The following ANOS1 variants were observed in gnomAD, a reference collection of about 807,000 sequenced individuals.
ANOS1 encodes the protein anosmin-1.
A neutral mutation model predicts 59.0 loss-of-function variants in ANOS1; 6 were observed. The observed-to-expected ratio is 0.10, with a 90% CI of 0.06 to 0.20. ANOS1 has a LOEUF of 0.20. ANOS1 is among the 10% of genes least tolerant of loss of function. The pLI, the probability that ANOS1 is intolerant of heterozygous loss-of-function variation, is 1.00. For missense variants in ANOS1, 433 were observed against 542.3 expected (o/e 0.80, Z 2.00); for synonymous variants, 217 against 223.4 (o/e 0.97, Z 0.25).
intron 2 of ANOS1, among the ~76,000 whole-genome samples, chrX:8,637,382 C>T (rs1931589505): frequency 8.9e-6 from 1 of 112,271 alleles, no homozygotes; most frequent in Non-Finnish European, 1.9e-5. Flanking sequence ...TAACTGAACA[C>T]TGTTTTGATT....
chrX:8,596,769 T>G (rs1187696380), intron 4 of ANOS1, among the ~76,000 whole-genome samples: 1 of 111,873 alleles, frequency 8.9e-6, no homozygotes, highest in Non-Finnish European at 1.9e-5. Flanking sequence ...AAGACAAAAA[T>G]GTTCCTGAAT....
At chrX:8,652,954 C>G (rs1488900157) in intron 2 of ANOS1, among the ~76,000 whole-genome samples, 1 of 110,977 alleles carries the variant, frequency 9.0e-6, no homozygotes, top group Non-Finnish European at 1.9e-5. Flanking sequence ...CTCCCGGGTT[C>G]AAGCAATCCT....
At chrX:8,553,398 A>G (rs981369193) in intron 9 of ANOS1, among the ~76,000 whole-genome samples, 4 of 111,431 alleles carry the variant, frequency 3.6e-5, no homozygotes, top group African/African-American at 1.3e-4. Context: ...AGTAGCATTT[A>G]TAGAATGTTA....
chrX:8,667,604 G>C (rs962170595), intron 2 of ANOS1, among the ~76,000 whole-genome samples: 1 of 111,802 alleles, frequency 8.9e-6, no homozygotes, highest in Non-Finnish European at 1.9e-5. Flanking sequence ...GTGGGCAAGA[G>C]ACGAAGTGTT....
chrX:8,662,736 A>G (rs1420836381), intron 2 of ANOS1, among the ~76,000 whole-genome samples: 1 of 112,644 alleles, frequency 8.9e-6, no homozygotes, highest in Non-Finnish European at 1.9e-5. Flanking sequence ...AAAGATGTGG[A>G]GAAGGCCAGG....
intron 2 of ANOS1, among the ~76,000 whole-genome samples, chrX:8,664,112 G>C (rs1044880520): frequency 1.8e-5 from 2 of 111,845 alleles, no homozygotes; most frequent in Non-Finnish European, 3.8e-5. Context: ...TGATAGGTGC[G>C]ACAAACCATC....
At chrX:8,709,488 T>C (rs1312898721) in intron 1 of ANOS1, among the ~76,000 whole-genome samples, 1 of 111,821 alleles carries the variant, frequency 8.9e-6, no homozygotes, top group African/African-American at 3.3e-5. Context: ...TCTTTTCTTT[T>C]CTTTCTTGAG....
rs1036281771 is a variant in ANOS1, at chrX:8,529,089, G to C, written c.*3906C>G. ...TAAATATTGACTTTAAATGACCACT[G>C]TAAGGGACATGAATTCTACAGACCA... On this transcript the variant is annotated 3_prime_UTR_variant, in exon 14 of 14. Coordinates refer to ENST00000262648, the MANE Select transcript of ANOS1 (RefSeq NM_000216.4). 1.1e-4 allele frequency: 12 copies of C among 111,955 alleles called. No individual in the cohort carries two copies. Among genetic ancestry groups the C allele is most frequent in the African/African-American group, 3.6e-4 (11 of 30,822 alleles). The allele number at this position is 111,955 out of a possible 1,213,427, so 9.2% of individuals were successfully genotyped here.
At position 8,618,486 on chromosome X, in the gene ANOS1, C is replaced by A. The variant is rs769930027; in HGVS notation, c.318+5122G>T. ...AAGTCAAAGATGGCAGCTGTTTTAC[C>A]AGCTGTTTTATCCAATGCTGACATC... On this transcript the variant is annotated intron_variant, in intron 3 of 13. Coordinates refer to ENST00000262648, the MANE Select transcript of ANOS1 (RefSeq NM_000216.4). Among the ~76,000 whole-genome samples the A allele has an allele frequency of 3.1e-3, 347 of 111,408 alleles. 3 individuals are homozygous for A. Among genetic ancestry groups the A allele is most frequent in the Non-Finnish European group, 4.6e-3 (244 of 53,058 alleles).
At chrX:8,611,318 G>GA (rs143887939) in intron 3 of ANOS1, among the ~76,000 whole-genome samples, 37,356 of 100,051 alleles carry the variant, frequency 0.37, 5,527 homozygotes, top group South Asian at 0.41. Flanking sequence ...TGACCAAAAG[G>GA]AAAAAAAAAA....
intron 8 of ANOS1, among the ~76,000 whole-genome samples, chrX:8,560,237 A>G (rs998734767): frequency 9.0e-6 from 1 of 111,357 alleles, no homozygotes; most frequent in East Asian, 2.8e-4. Context: ...CTAAGTAGTT[A>G]GCAGTATAGG....
intron 10 of ANOS1, among the ~76,000 whole-genome samples, chrX:8,538,915 T>C (rs752490203): frequency 8.9e-6 from 1 of 112,345 alleles, no homozygotes; most frequent in East Asian, 2.8e-4. Context: ...AAAAATATTC[T>C]AGTTACATAT....
intron 3 of ANOS1, among the ~76,000 whole-genome samples, chrX:8,601,598 T>C (rs1930844107): frequency 2.7e-5 from 3 of 112,349 alleles, no homozygotes; most frequent in Admixed American, 1.9e-4. Context: ...TTTAGATCTT[T>C]CAGTTGATAT....
At chrX:8,572,954 A>T in intron 6 of ANOS1, among the ~76,000 whole-genome samples, 1 of 110,774 alleles carries the variant, frequency 9.0e-6, no homozygotes, top group Non-Finnish European at 1.9e-5. Context: ...TGGCAGAGCC[A>T]TGTGAGGACT....
In ANOS1 at chrX:8,665,705, T is replaced by A. The variant is rs777402391; in HGVS notation, c.255+33993A>T. Among the ~76,000 whole-genome samples the A allele has an allele frequency of 1.1e-4, 12 of 112,568 alleles. No homozygotes were observed. In the East Asian group the frequency reaches 2.8e-3, roughly 26 times the overall value. ...GGACCCAATTCACTTAAACATTTTT[T>A]AAATTCTCCTTTTATATAAGTTACT... On this transcript the variant is annotated intron_variant, in intron 2 of 13. Coordinates refer to ENST00000262648, the MANE Select transcript of ANOS1 (RefSeq NM_000216.4).
At chrX:8,702,935 G>C (rs919405835) in intron 1 of ANOS1, among the ~76,000 whole-genome samples, 1 of 112,049 alleles carries the variant, frequency 8.9e-6, no homozygotes. Context: ...AGGTCAGTGG[G>C]GTTCTGCTCC....
chrX:8,716,123 C>CA (rs1932840783), intron 1 of ANOS1, among the ~76,000 whole-genome samples: 1 of 111,319 alleles, frequency 9.0e-6, no homozygotes, highest in Non-Finnish European at 1.9e-5. Context: ...AGTTTACTTG[C>CA]AAAGAAGTCC....
intron 2 of ANOS1, among the ~76,000 whole-genome samples, chrX:8,670,839 G>A (rs1234246615): frequency 9.0e-6 from 1 of 111,096 alleles, no homozygotes; most frequent in Non-Finnish European, 1.9e-5. Flanking sequence ...TCTTCCAGTC[G>A]CCTTCACCTA....
intron 5 of ANOS1, among the ~76,000 whole-genome samples, chrX:8,587,030 G>A (rs1930527151): frequency 9.3e-6 from 1 of 107,797 alleles, no homozygotes; most frequent in South Asian, 4.1e-4. Flanking sequence ...TTTTCCTATA[G>A]ACATAGATGT....
Sources: allele counts gnomAD v4.1 joint callset (sites outside exome capture counted in the v4.1 genomes callset), GRCh38; gene constraint gnomAD v4.1.1; transcripts MANE v1.5; gene names NCBI Gene and HGNC (gene_info 2026-07-23, HGNC 2026-07-21).